Variants in TMEM11 observed in about 807,000 individuals in gnomAD.
TMEM11 encodes transmembrane protein 11, also known as transmembrane protein 11, mitochondrial.
A neutral mutation model predicts 17.0 loss-of-function variants in TMEM11; 1 was observed. The observed-to-expected ratio is 0.06, with a 90% CI of 0.02 to 0.28. The LOEUF is 0.28. Ranked by LOEUF, TMEM11 falls within the 10% of genes least tolerant of loss-of-function variation. The probability of loss-of-function intolerance (pLI) is 1.00; values close to 1 mark genes in which losing one functional copy is unlikely to be tolerated. For synonymous variants in TMEM11, 122 were observed against 118.1 expected, an observed-to-expected ratio of 1.03 and a Z score of -0.21; for missense variants, 172 against 252.9, an observed-to-expected ratio of 0.68 and a Z score of 2.17.
intron 1 of TMEM11, chr17:21,213,808 G>A: frequency 2.1e-6 from 1 of 468,186 alleles, no homozygotes; most frequent in Non-Finnish European, 3.8e-6. Flanking sequence ...CTGGGCGCCA[G>A]TTCCTTTCAG....
At chr17:21,207,465 C>G (rs1369482926) in intron 1 of TMEM11, among the ~76,000 whole-genome samples, 1 of 151,176 alleles carries the variant, frequency 6.6e-6, no homozygotes, top group Non-Finnish European at 1.5e-5. Flanking sequence ...GAGGCAGAAG[C>G]TGCAGTAAAC....
Position 21,214,135 on chromosome 17 carries a change from C to G in TMEM11, c.18G>C (p.Arg6Ser), listed in dbSNP as rs780980148. 6.2e-7 allele frequency: 1 copy of G among 1,612,452 alleles called. No individual in the cohort carries two copies. Among genetic ancestry groups the G allele is most frequent in the Admixed American group, 1.7e-5 (1 of 60,008 alleles). The change falls in exon 1 of 2, where the codon AGG (arginine) becomes AGC (serine). Residue 6 changes from arginine (R) to serine (S), a missense_variant. Coordinates refer to ENST00000317635, the MANE Select transcript of TMEM11 (RefSeq NM_003876.3). MAAWGRRRLGPGSSGG... is the reference protein window; with the variant it reads MAAWGSRRLGPGSSGG... ...CACTGCTGCCCGGGCCAAGACGCCT[C>G]CTTCCCCAAGCGGCCATCTTGGAGA...
At position 21,208,102 on chromosome 17, in the gene TMEM11, C is replaced by T. The variant is rs533611075; in HGVS notation, c.62+5989G>A. Among the ~76,000 whole-genome samples the T allele has an allele frequency of 6.7e-3, 1,015 of 151,346 alleles. 12 individuals carry two copies. Among genetic ancestry groups the T allele is most frequent in the South Asian group, 0.029 (137 of 4,768 alleles). ...CCGCCTCCTGGGTTCACGCCATTCT[C>T]CTGCCTCAGCCTCCAGAGTAGCTGG... On this transcript the variant is annotated intron_variant, in intron 1 of 1. Transcript: ENST00000317635.
chr17:21,207,441 T>C (rs1290311853), intron 1 of TMEM11, among the ~76,000 whole-genome samples: 1 of 151,942 alleles, frequency 6.6e-6, no homozygotes, highest in East Asian at 1.9e-4. Flanking sequence ...GGCAGGAGAA[T>C]CGCTTGAACC....
intron 1 of TMEM11, among the ~76,000 whole-genome samples, chr17:21,200,948 G>C (rs908855040): frequency 6.6e-6 from 1 of 152,210 alleles, no homozygotes; most frequent in African/African-American, 2.4e-5. Context: ...ACTCCCTCCA[G>C]CCTCCTTCAA....
At chr17:21,199,812 T>A (rs1377461382) in intron 1 of TMEM11, among the ~76,000 whole-genome samples, 1 of 152,128 alleles carries the variant, frequency 6.6e-6, no homozygotes, top group Non-Finnish European at 1.5e-5. Context: ...CCCAGGACAC[T>A]AGCCCACTGC....
chr17:21,199,987 G>A (rs1408803119), intron 1 of TMEM11, among the ~76,000 whole-genome samples: 2 of 152,194 alleles, frequency 1.3e-5, no homozygotes, highest in Non-Finnish European at 2.9e-5. Context: ...TGCACCACCG[G>A]CAAATGCCAC....
At chr17:21,204,859 C>G (rs1034889644) in intron 1 of TMEM11, among the ~76,000 whole-genome samples, 34 of 152,058 alleles carry the variant, frequency 2.2e-4, no homozygotes, top group African/African-American at 7.7e-4. Context: ...ATTCTCTGAG[C>G]CTTTAGTGCT....
chr17:21,207,981 T>A (rs12936226), intron 1 of TMEM11, among the ~76,000 whole-genome samples: 124,448 of 150,576 alleles, frequency 0.83, 51,714 homozygotes, highest in Middle Eastern at 0.88. Context: ...CTATATTTTT[T>A]AAAAAAAAGT....
At position 21,214,161 on chromosome 17, in the gene TMEM11, C is replaced by T. The variant is rs1567638454; in HGVS notation, c.-9G>A. 6.2e-7 allele frequency: 1 copy of T among 1,612,138 alleles called. No individual in the cohort carries two copies. The highest frequency in any genetic ancestry group is 8.5e-7 in the Non-Finnish European group (1 of 1,179,504). On this transcript the variant is annotated 5_prime_UTR_variant, in exon 1 of 2. Transcript: ENST00000317635. Reference sequence around the variant, plus strand: ...CTTCCCCAAGCGGCCATCTTGGAGACACTCTGCTTGCCAACGTCTCGCGCC... The same window carrying T: ...CTTCCCCAAGCGGCCATCTTGGAGATACTCTGCTTGCCAACGTCTCGCGCC...
At chr17:21,208,983 C>T (rs1024043450) in intron 1 of TMEM11, among the ~76,000 whole-genome samples, 1 of 152,186 alleles carries the variant, frequency 6.6e-6, no homozygotes, top group Non-Finnish European at 1.5e-5. Flanking sequence ...GGCTGGACCT[C>T]CACCCGCTTC....
At chr17:21,212,144 T>C (rs1975009374) in intron 1 of TMEM11, among the ~76,000 whole-genome samples, 1 of 152,186 alleles carries the variant, frequency 6.6e-6, no homozygotes, top group Non-Finnish European at 1.5e-5. Flanking sequence ...GCTAGGGGTT[T>C]ACAGCAAGAG....
chr17:21,208,849 C>A (rs781167887), intron 1 of TMEM11, among the ~76,000 whole-genome samples: 6 of 152,192 alleles, frequency 3.9e-5, no homozygotes, highest in Non-Finnish European at 5.9e-5. Context: ...CCACAGGAGT[C>A]ACAGGAGGAG....
chr17:21,199,494 A>G (rs930928958), intron 1 of TMEM11, among the ~76,000 whole-genome samples: 2 of 152,204 alleles, frequency 1.3e-5, no homozygotes, highest in African/African-American at 4.8e-5. Context: ...TCACAGGAGC[A>G]CACACGGCAG....
chr17:21,210,270 T>C (rs1044979157), intron 1 of TMEM11, among the ~76,000 whole-genome samples: 2 of 152,134 alleles, frequency 1.3e-5, no homozygotes, highest in African/African-American at 4.8e-5. Context: ...TGAAGGCACA[T>C]CAATACTGAA....
chr17:21,198,121 C>T lies in TMEM11; in HGVS notation c.*203G>A. 2 of 649,062 alleles carry T rather than the reference C, an allele frequency of 3.1e-6. No homozygotes were observed. The highest frequency in any genetic ancestry group is 3.2e-5 in the Admixed American group (1 of 31,446). The allele number at this position is 649,062 out of a possible 1,614,324, so 40.2% of individuals were successfully genotyped here. ...TCGGACTTCCACAGCCTCAGACCCC[C>T]CTCTTGGGTTATGGAAATCCACATC... On this transcript the variant is annotated 3_prime_UTR_variant, in exon 2 of 2. Coordinates refer to ENST00000317635, the MANE Select transcript of TMEM11 (RefSeq NM_003876.3). The surrounding 1 kb of genome is among the most constrained non-coding windows in gnomAD (Gnocchi z 6.5).
rs138107180 is a variant in TMEM11 at position 21,198,699 on chromosome 17, G to A, written c.204C>T (p.Gly68=). ...KYIVIEPTRI[G]DETARWITVG... Reference sequence around the variant, plus strand: ...CGGTGATCCAGCGGGCTGTCTCGTCGCCAATGCGAGTGGGCTCAATCACAA... The same window carrying A: ...CGGTGATCCAGCGGGCTGTCTCGTCACCAATGCGAGTGGGCTCAATCACAA... The change falls in exon 2 of 2, where the codon GGC becomes GGT. Residue 68 remains glycine (G), a synonymous_variant. Transcript: ENST00000317635. The surrounding 1 kb of genome is among the most constrained non-coding windows in gnomAD (Gnocchi z 6.5). 4.0e-4 allele frequency: 647 copies of A among 1,614,128 alleles called. No individual in the cohort carries two copies. Among genetic ancestry groups the A allele is most frequent in the African/African-American group, 2.0e-3 (152 of 75,072 alleles).
chr17:21,211,272 C>T, intron 1 of TMEM11: 2 of 1,271,792 alleles, frequency 1.6e-6, no homozygotes, highest in Non-Finnish European at 2.1e-6. Context: ...GCAAGCACTA[C>T]CATTTTGCTA....
Position 21,210,862 on chromosome 17 carries a change from T to C in TMEM11, c.62+3229A>G, listed in dbSNP as rs1482885115. 5 of 1,208,528 alleles carry C rather than the reference T, an allele frequency of 4.1e-6. No homozygotes were observed. In the African/African-American group the frequency reaches 6.3e-5, roughly 15 times the overall value. The allele number at this position is 1,208,528 out of a possible 1,614,324, so 74.9% of individuals were successfully genotyped here. The stretch of plus-strand genomic sequence containing the variant: ...GCACACCCCAGGTTGCCTCATATCA[T>C]GCTCAGAAGCAGATCAAGTACATCT... On this transcript the variant is annotated intron_variant, in intron 1 of 1. Coordinates refer to ENST00000317635, the MANE Select transcript of TMEM11 (RefSeq NM_003876.3).
Sources: allele counts gnomAD v4.1 joint callset (sites outside exome capture counted in the v4.1 genomes callset), GRCh38; gene constraint gnomAD v4.1.1; non-coding constraint Gnocchi (gnomAD v3.1); transcripts MANE v1.5; gene names NCBI Gene and HGNC (gene_info 2026-07-23, HGNC 2026-07-21).